The following PRICKLE1 variants were observed in gnomAD, a reference collection of about 807,000 sequenced individuals.
PRICKLE1 encodes the protein prickle-like protein 1.
A neutral mutation model predicts 70.2 loss-of-function variants in PRICKLE1; 14 were observed. That is an observed-to-expected ratio of 0.20 (90% CI 0.13 to 0.31). PRICKLE1 has a LOEUF of 0.31. Among genes scored for constraint, PRICKLE1 ranks in the 10% least tolerant of loss-of-function variants. PRICKLE1 has a pLI of 1.00. For missense variants in PRICKLE1, 821 were observed against 1,026.2 expected, an observed-to-expected ratio of 0.80 and a Z score of 2.73; for synonymous variants, 357 against 379.9, an observed-to-expected ratio of 0.94 and a Z score of 0.70.
At chr12:42,484,526 T>C (rs2708070) in intron 1 of PRICKLE1, 27,830 of 152,142 alleles carry the variant, frequency 0.18, 3,301 homozygotes, top group African/African-American at 0.33. Flanking sequence ...CTTAGGACTT[T>C]CCCTGCATTT....
chr12:42,584,321 G>A (rs1358222375), intron 1 of PRICKLE1: 1 of 152,168 alleles, frequency 6.6e-6, no homozygotes, highest in African/African-American at 2.4e-5. Flanking sequence ...TGTCCCTAAA[G>A]AGGGAGACAG....
chr12:42,517,790 A>T (rs1939637035), intron 1 of PRICKLE1, among the ~76,000 whole-genome samples: 1 of 151,004 alleles, frequency 6.6e-6, no homozygotes, highest in Non-Finnish European at 1.5e-5. Context: ...TAAAAAGCAA[A>T]TGTGTCTTTA....
chr12:42,477,933 C>G lies in PRICKLE1; in HGVS notation c.-48-5369G>C, dbSNP rs950512597. 2.0e-5 allele frequency among the ~76,000 whole-genome samples: 3 copies of G among 147,524 alleles called. No homozygotes were observed. In the East Asian group the frequency reaches 5.9e-4, roughly 29 times the overall value. ...TTTTGTAGAACCATGCTTAGATGAA[C>G]TAACAGTGGCCCTGCCCTATACTTT... is the stretch of plus-strand genomic sequence containing the variant. On this transcript the variant is annotated intron_variant, in intron 1 of 7. Coordinates refer to ENST00000345127, the MANE Select transcript of PRICKLE1 (RefSeq NM_153026.3).
In PRICKLE1 at chr12:42,476,216, CTT is replaced by C. The variant is rs1278116808; in HGVS notation, c.-48-3654_-48-3653del. Among the ~76,000 whole-genome samples the C allele has an allele frequency of 4.1e-4, 60 of 145,136 alleles. 1 individual carries two copies. Among genetic ancestry groups the C allele is most frequent in the African/African-American group, 1.5e-3 (59 of 39,642 alleles). Reference sequence around the variant, plus strand: ...TTCTTTTTTTTTTTTGAGTTTTGCTCTTGTTACCCAGGCTGGAATGCAATGGC... The same window carrying C: ...TTCTTTTTTTTTTTTGAGTTTTGCTCGTTACCCAGGCTGGAATGCAATGGC... On this transcript the variant is annotated intron_variant, in intron 1 of 7. Coordinates refer to ENST00000345127, the MANE Select transcript of PRICKLE1 (RefSeq NM_153026.3).
chr12:42,549,136 A>AC (rs1434307949), intron 1 of PRICKLE1, among the ~76,000 whole-genome samples: 1 of 150,766 alleles, frequency 6.6e-6, no homozygotes, highest in Non-Finnish European at 1.5e-5. Context: ...AAAAAAAAAA[A>AC]AAAAAAAACC....
intron 1 of PRICKLE1, among the ~76,000 whole-genome samples, chr12:42,587,947 G>GT (rs1288850307): frequency 2.5e-3 from 376 of 148,558 alleles, no homozygotes; most frequent in African/African-American, 5.5e-3. Context: ...ATTTTTTTTT[G>GT]TTTTTTTTTT....
chr12:42,555,963 A>G (rs193064277), intron 1 of PRICKLE1, among the ~76,000 whole-genome samples: 22 of 152,330 alleles, frequency 1.4e-4, no homozygotes, highest in African/African-American at 5.1e-4. Context: ...TTTCTTTACA[A>G]GTAGCCTGAG....
At chr12:42,554,785 C>T (rs1014406234) in intron 1 of PRICKLE1, among the ~76,000 whole-genome samples, 2 of 152,126 alleles carry the variant, frequency 1.3e-5, no homozygotes, top group Admixed American at 6.6e-5. Flanking sequence ...CCACTAAAAC[C>T]GAGGCTCACG....
chr12:42,510,396 T>C (rs1162535250), intron 1 of PRICKLE1, among the ~76,000 whole-genome samples: 1 of 152,018 alleles, frequency 6.6e-6, no homozygotes, highest in African/African-American at 2.4e-5. Flanking sequence ...GCTCGGCTAT[T>C]AAGACAATTT....
intron 1 of PRICKLE1, among the ~76,000 whole-genome samples, chr12:42,552,397 A>T (rs549746359): frequency 3.3e-5 from 5 of 152,062 alleles, no homozygotes; most frequent in African/African-American, 4.8e-5. Flanking sequence ...ACTCTACACT[A>T]TTTCCTATTT....
chr12:42,554,399 C>G (rs556185471), intron 1 of PRICKLE1, among the ~76,000 whole-genome samples: 3 of 152,244 alleles, frequency 2.0e-5, no homozygotes, highest in Admixed American at 2.0e-4. Flanking sequence ...TAGAATTCAG[C>G]AAAGCCGTAT....
chr12:42,459,449 T>G lies in PRICKLE1; in HGVS notation c.*360A>C, dbSNP rs1026542931. ...GACTTACATAAATGACAAACACTAG[T>G]GCTTTACAAAGGTGGCTGGAGTTCT... On this transcript the variant is annotated 3_prime_UTR_variant, in exon 8 of 8. Coordinates refer to ENST00000345127, the MANE Select transcript of PRICKLE1 (RefSeq NM_153026.3). 4.4e-6 allele frequency: 3 copies of G among 685,888 alleles called. No individual in the cohort carries two copies. The highest frequency in any genetic ancestry group is 5.3e-6 in the Non-Finnish European group (2 of 377,348). 42.5% of individuals were successfully genotyped at this position (685,888 alleles called of 1,614,324 possible).
chr12:42,535,323 G>C (rs150489430), intron 1 of PRICKLE1, among the ~76,000 whole-genome samples: 2 of 152,182 alleles, frequency 1.3e-5, no homozygotes, highest in Non-Finnish European at 2.9e-5. Flanking sequence ...ATTCCACCAC[G>C]CTAGCACAAG....
At chr12:42,489,986 G>C (rs1311313373) in intron 1 of PRICKLE1, 1 of 152,114 alleles carries the variant, frequency 6.6e-6, no homozygotes, top group Non-Finnish European at 1.5e-5. Context: ...CCTTGACTTA[G>C]AGACTTCGCA....
At chr12:42,527,936 T>C (rs1438209801) in intron 1 of PRICKLE1, among the ~76,000 whole-genome samples, 493 of 27,476 alleles carry the variant, frequency 0.018, 41 homozygotes, top group African/African-American at 0.059. Context: ...TATATATATA[T>C]ATATATATAT....
intron 1 of PRICKLE1, among the ~76,000 whole-genome samples, chr12:42,533,436 T>C (rs1388961864): frequency 6.6e-6 from 1 of 152,190 alleles, no homozygotes; most frequent in Non-Finnish European, 1.5e-5. Flanking sequence ...TAGAGAATAA[T>C]TCACTGCTGT....
chr12:42,495,400 A>AAAT (rs1555233526), intron 1 of PRICKLE1, among the ~76,000 whole-genome samples: 1 of 136,528 alleles, frequency 7.3e-6, no homozygotes, highest in African/African-American at 3.1e-5. Flanking sequence ...AAAAAAAAAA[A>AAAT]AGAGAGAGAG....
intron 1 of PRICKLE1, among the ~76,000 whole-genome samples, chr12:42,500,108 C>T (rs904909799): frequency 6.6e-6 from 1 of 152,062 alleles, no homozygotes; most frequent in African/African-American, 2.4e-5. Context: ...CAATGATTGT[C>T]AGTCTCATTT....
intron 1 of PRICKLE1, among the ~76,000 whole-genome samples, chr12:42,549,964 T>C (rs1592020649): frequency 1.3e-5 from 2 of 152,238 alleles, no homozygotes; most frequent in Non-Finnish European, 2.9e-5. Context: ...AAACTTCCAC[T>C]CATCCTTCTA....
Sources: gnomAD v4.1 joint callset for allele counts (sites outside exome capture counted in the v4.1 genomes callset) on GRCh38, gnomAD v4.1.1 for gene constraint, MANE v1.5 for transcripts, NCBI Gene and HGNC (gene_info 2026-07-23, HGNC 2026-07-21) for gene names.